The following ABCA13 variants were observed in gnomAD, a reference collection of about 807,000 sequenced individuals.
ABCA13 encodes ATP binding cassette subfamily A member 13.
ABCA13 carries 476 observed loss-of-function variants against 478.7 expected under a neutral mutation model. The observed-to-expected ratio is 0.99, with a 90% CI of 0.92 to 1.07. ABCA13 has a LOEUF of 1.07. Among genes scored for constraint, ABCA13 ranks in the 50% least tolerant of loss-of-function variants. The pLI, the probability that ABCA13 is intolerant of heterozygous loss-of-function variation, is 0.00. For missense variants in ABCA13, 6,060 were observed against 5,910.6 expected (o/e 1.03, Z -0.83); for synonymous variants, 2,252 against 2,158.9 (o/e 1.04, Z -1.20).
intron 29 of ABCA13, among the ~76,000 whole-genome samples, chr7:48,344,266 T>C (rs890402451): frequency 1.3e-5 from 2 of 152,188 alleles, no homozygotes; most frequent in Non-Finnish European, 2.9e-5. Flanking sequence ...CATCCTACAC[T>C]GCATGGAACA....
chr7:48,540,964 G>C (rs1833907823), intron 55 of ABCA13, among the ~76,000 whole-genome samples: 1 of 151,990 alleles, frequency 6.6e-6, no homozygotes, highest in African/African-American at 2.4e-5. Context: ...TGATAGACTA[G>C]GTCCCAGAGG....
At chr7:48,541,540 A>C (rs1833940531) in intron 55 of ABCA13, among the ~76,000 whole-genome samples, 1 of 152,052 alleles carries the variant, frequency 6.6e-6, no homozygotes, top group Admixed American at 6.6e-5. Flanking sequence ...AAGATTCAGA[A>C]AAATTAAGTG....
intron 48 of ABCA13, among the ~76,000 whole-genome samples, chr7:48,497,910 G>T (rs1830417105): frequency 6.6e-6 from 1 of 152,206 alleles, no homozygotes. Context: ...GCTGCCACTG[G>T]GGTGGGGGCA....
intron 29 of ABCA13, among the ~76,000 whole-genome samples, chr7:48,343,803 A>T (rs904974647): frequency 3.3e-5 from 5 of 152,056 alleles, no homozygotes; most frequent in Non-Finnish European, 7.4e-5. Context: ...TCTTGGAAGG[A>T]AACTTCATCT....
chr7:48,273,361 G>A lies in ABCA13; in HGVS notation c.3695G>A (p.Arg1232Lys). 1 of 1,613,626 alleles carries A rather than the reference G, an allele frequency of 6.2e-7. No homozygotes were observed. The highest frequency in any genetic ancestry group is 8.5e-7 in the Non-Finnish European group (1 of 1,179,742). The change falls in exon 17 of 62, where the codon AGG becomes AAG. Residue 1232 changes from arginine to lysine, a missense_variant. Arg to Lys is a conservative substitution (Grantham distance 26). This residue lies in a region of ABCA13 where 4,423 missense variants were observed against 4,309.1 expected (regional missense o/e 1.03). Coordinates refer to ENST00000435803, the MANE Select transcript of ABCA13 (RefSeq NM_152701.5). ...FHNWEDFLDL[R>K]DFLVALGNAL... is the part of the protein sequence containing the mutation. ...AATTGGGAGGACTTCCTGGATCTCA[G>A]GGATTTTTTGGTAGCTTTAGGTAAT... is the stretch of plus-strand genomic sequence containing the variant.
At chr7:48,481,669 C>T (rs1227350671) in intron 46 of ABCA13, among the ~76,000 whole-genome samples, 1 of 151,920 alleles carries the variant, frequency 6.6e-6, no homozygotes, top group African/African-American at 2.4e-5. Flanking sequence ...CCACACCTGG[C>T]TAATTTTTTT....
At chr7:48,385,193 G>A (rs980076749) in intron 35 of ABCA13, among the ~76,000 whole-genome samples, 2 of 152,120 alleles carry the variant, frequency 1.3e-5, no homozygotes, top group African/African-American at 2.4e-5. Context: ...TGTTACATAG[G>A]TAAATGTGTG....
chr7:48,498,952 A>G (rs1003625212), intron 48 of ABCA13, among the ~76,000 whole-genome samples: 3 of 152,230 alleles, frequency 2.0e-5, no homozygotes, highest in African/African-American at 4.8e-5. Flanking sequence ...AACTGAAGAT[A>G]TGTAATATAA....
At chr7:48,267,753 A>G (rs979439192) in intron 15 of ABCA13, among the ~76,000 whole-genome samples, 9 of 152,162 alleles carry the variant, frequency 5.9e-5, no homozygotes, top group South Asian at 2.1e-4. Context: ...TGCTAGTTCT[A>G]TCATTCAAAC....
At position 48,627,064 on chromosome 7, in the gene ABCA13, T is replaced by C. The variant is rs537350588; in HGVS notation, c.14837+11687T>C. The stretch of plus-strand genomic sequence containing the variant: ...CAGATTCATGTTGCTGCATTTATTT[T>C]AATTATTACTAAATATAGGCAATTT... On this transcript the variant is annotated intron_variant, in intron 59 of 61. Transcript: ENST00000435803. The C allele has an allele frequency of 8.1e-6, 8 of 984,738 alleles. No homozygotes were observed. The South Asian group carries it at 3.8e-4, about 46-fold the overall frequency. 61.0% of individuals were successfully genotyped at this position (984,738 alleles called of 1,614,324 possible).
chr7:48,303,725 T>C (rs940015787), intron 23 of ABCA13, among the ~76,000 whole-genome samples: 1 of 152,204 alleles, frequency 6.6e-6, no homozygotes, highest in Non-Finnish European at 1.5e-5. Flanking sequence ...TACCATGCTG[T>C]TTTGGTTAAT....
intron 55 of ABCA13, among the ~76,000 whole-genome samples, chr7:48,540,969 C>T (rs1205595799): frequency 1.3e-5 from 2 of 152,124 alleles, no homozygotes; most frequent in East Asian, 3.9e-4. Context: ...GACTAGGTCC[C>T]AGAGGAAGTG....
chr7:48,478,371 T>C (rs1828382003), intron 45 of ABCA13, among the ~76,000 whole-genome samples: 1 of 150,844 alleles, frequency 6.6e-6, no homozygotes, highest in Non-Finnish European at 1.5e-5. Context: ...CATTACCTCA[T>C]GTACTTATTG....
At chr7:48,625,738 C>T (rs1427005917) in intron 59 of ABCA13, among the ~76,000 whole-genome samples, 1 of 152,136 alleles carries the variant, frequency 6.6e-6, no homozygotes, top group African/African-American at 2.4e-5. Flanking sequence ...ACAGTATCAC[C>T]CAGAGCTGTC....
chr7:48,369,336 G>T (rs1010936029), intron 32 of ABCA13, among the ~76,000 whole-genome samples: 2 of 152,058 alleles, frequency 1.3e-5, no homozygotes, highest in African/African-American at 2.4e-5. Flanking sequence ...CTGCTCTGTG[G>T]GTTGTCCATT....
chr7:48,468,022 G>C (rs1006095858), intron 44 of ABCA13, among the ~76,000 whole-genome samples: 1 of 152,100 alleles, frequency 6.6e-6, no homozygotes, highest in African/African-American at 2.4e-5. Flanking sequence ...GGAATACACA[G>C]GGTGTAAAAT....
At chr7:48,370,778 T>C (rs1812509766) in intron 32 of ABCA13, among the ~76,000 whole-genome samples, 1 of 151,998 alleles carries the variant, frequency 6.6e-6, no homozygotes, top group Non-Finnish European at 1.5e-5. Context: ...CATCAAAAAG[T>C]TTGAAAGAGC....
chr7:48,273,979 TA>T lies in ABCA13; in HGVS notation c.4315del (p.Thr1439LeufsTer4). The T allele has an allele frequency of 4.3e-6, 7 of 1,609,734 alleles. No individual in the cohort carries two copies. Among genetic ancestry groups the T allele is most frequent in the Non-Finnish European group, 5.9e-6 (7 of 1,177,306 alleles). On this transcript the variant is annotated frameshift_variant, in exon 17 of 62. Transcript: ENST00000435803. LOFTEE classifies it high-confidence loss of function. ...AAAATGAACTCTATATTAAAAATTG[TA>T]ACTTGGGTGTTAAATATAAAAAAAC... ...ENKMNSILKI[V>X]TWVLNIKKPL...
At chr7:48,368,099 A>G (rs1368581243) in intron 32 of ABCA13, among the ~76,000 whole-genome samples, 191 bp downstream of exon 32, 1 of 152,140 alleles carries the variant, frequency 6.6e-6, no homozygotes, top group Admixed American at 6.5e-5. Context: ...AAGCAATGCC[A>G]GATATTTTCC....
Sources: allele counts gnomAD v4.1 joint callset (sites outside exome capture counted in the v4.1 genomes callset), GRCh38; gene constraint gnomAD v4.1.1; regional missense constraint gnomAD v4.1.1; transcripts MANE v1.5; gene names NCBI Gene and HGNC (gene_info 2026-07-23, HGNC 2026-07-21).